DPP4: variants seen among roughly 807,000 people sequenced by gnomAD.
The protein encoded by DPP4 is dipeptidyl peptidase 4.
In DPP4, 93 loss-of-function variants were observed where a neutral mutation model predicts 122.4. That is an observed-to-expected ratio of 0.76 (90% CI 0.64 to 0.90). The LOEUF (loss-of-function observed/expected upper bound fraction) is 0.90. Among genes scored for constraint, DPP4 ranks in the 40% least tolerant of loss-of-function variants. The pLI, the probability that DPP4 is intolerant of heterozygous loss-of-function variation, is 0.00. For synonymous variants in DPP4, 321 were observed against 302.9 expected, an observed-to-expected ratio of 1.06 and a Z score of -0.62; for missense variants, 914 against 907.3, an observed-to-expected ratio of 1.01 and a Z score of -0.09.
At position 162,035,250 on chromosome 2, in the gene DPP4, C is replaced by T. The variant is rs1323417251; in HGVS notation, c.688G>A (p.Asp230Asn). The change falls in exon 9 of 26, where the codon GAC becomes AAC. Residue 230 changes from aspartate (D) to asparagine (N), a missense_variant. Coordinates refer to ENST00000360534, the MANE Select transcript of DPP4 (RefSeq NM_001935.4). ...GTFLAYAQFN[D>N]TEVPLIEYSF... is the part of the protein sequence containing the mutation. Reference sequence around the variant, plus strand: ...TATTCAATAAGTGGGACTTCTGTGTCGTTAAATTGGGCATATGCTAAAAAA... The same window carrying T: ...TATTCAATAAGTGGGACTTCTGTGTTGTTAAATTGGGCATATGCTAAAAAA... 6.2e-6 allele frequency: 10 copies of T among 1,613,854 alleles called. No individual in the cohort carries two copies. Among genetic ancestry groups the T allele is most frequent in the Admixed American group, 1.7e-5 (1 of 59,986 alleles).
chr2:162,041,931 C>A (rs1576059344), intron 5 of DPP4, among the ~76,000 whole-genome samples: 1 of 152,066 alleles, frequency 6.6e-6, no homozygotes, highest in Non-Finnish European at 1.5e-5. Context: ...TAGGATGTGC[C>A]AAGAGATATA....
At chr2:162,055,194 C>G (rs866078700) in intron 2 of DPP4, among the ~76,000 whole-genome samples, 1 of 152,166 alleles carries the variant, frequency 6.6e-6, no homozygotes, top group Admixed American at 6.5e-5. Context: ...TTCCTAAGTG[C>G]CAGTGAATAT....
Position 162,039,154 on chromosome 2 carries a change from C to T in DPP4, c.397G>A (p.Asp133Asn). The change falls in exon 6 of 26, where the codon GAC becomes AAC. Residue 133 changes from aspartate to asparagine, a missense_variant. By Grantham distance (23) the Asp-to-Asn change is conservative. Coordinates refer to ENST00000360534, the MANE Select transcript of DPP4 (RefSeq NM_001935.4). The part of the protein sequence containing the change: ...QWRHSYTASY[D>N]IYDLNKRQLI... ...GACCTTTTATTTAAATCATAAATGTCATATGAAGCTGTGTAGGAATGCCTC... is the reference window on the plus strand; with the variant it reads ...GACCTTTTATTTAAATCATAAATGTTATATGAAGCTGTGTAGGAATGCCTC... The T allele has an allele frequency of 6.2e-7, 1 of 1,612,842 alleles. No individual in the cohort carries two copies. Among genetic ancestry groups the T allele is most frequent in the Non-Finnish European group, 8.5e-7 (1 of 1,179,344 alleles).
chr2:161,999,246 C>T (rs1701084270), intron 23 of DPP4, among the ~76,000 whole-genome samples: 1 of 152,014 alleles, frequency 6.6e-6, no homozygotes, highest in Admixed American at 6.5e-5. Context: ...AGATAACATA[C>T]AAAGCCAGAA....
At chr2:162,010,294 T>TA (rs1682642626) in intron 20 of DPP4, among the ~76,000 whole-genome samples, 1 of 152,212 alleles carries the variant, frequency 6.6e-6, no homozygotes, top group Admixed American at 6.5e-5. Context: ...CAGAAGCCTC[T>TA]AAGGCATTTC....
Position 162,020,655 on chromosome 2 carries a change from C to A in DPP4, c.1102G>T (p.Gly368Cys). The A allele has an allele frequency of 6.2e-7, 1 of 1,612,310 alleles. No individual in the cohort carries two copies. The highest frequency in any genetic ancestry group is 1.1e-5 in the South Asian group (1 of 90,404). The change falls in exon 13 of 26, where the codon GGT becomes TGT. Residue 368 changes from glycine to cysteine, a missense_variant. By Grantham distance (159) the Gly-to-Cys change is radical (BLOSUM62 -3). Transcript: ENST00000360534. ...RPSEPHFTLD[G>C]NSFYKIISNE... Reference sequence around the variant, plus strand: ...CTGATGATCTTGTAGAAGCTATTACCATCAAGGGTAAAATGAGGTTCTGAA... The same window carrying A: ...CTGATGATCTTGTAGAAGCTATTACAATCAAGGGTAAAATGAGGTTCTGAA...
intron 5 of DPP4, among the ~76,000 whole-genome samples, chr2:162,040,555 G>A (rs531241318): frequency 2.2e-4 from 34 of 151,910 alleles, no homozygotes; most frequent in African/African-American, 8.0e-4. Flanking sequence ...GGAGACTGGG[G>A]GAAGGAAGGG....
rs983596426 is a variant in DPP4, at chr2:162,074,067, G to A, written c.-86C>T. The A allele has an allele frequency of 1.3e-6, 2 of 1,536,034 alleles. No individual in the cohort carries two copies. Among genetic ancestry groups the A allele is most frequent in the African/African-American group, 1.4e-5 (1 of 72,814 alleles). On this transcript the variant is annotated 5_prime_UTR_variant, in exon 1 of 26. Transcript: ENST00000360534. ...GCGGCGGAGACGCGCGTCCTGCACC[G>A]CTGCTCCGGGCGGTGGAGTCACTCG...
intron 2 of DPP4, 48 bp downstream of exon 2, chr2:162,073,351 T>G (rs1271710839): frequency 6.3e-7 from 1 of 1,587,650 alleles, no homozygotes; most frequent in Non-Finnish European, 8.6e-7. Flanking sequence ...AGACGGAGCC[T>G]GACCTGAGCT....
Position 162,024,813 on chromosome 2 carries a change from G to A in DPP4, c.1014C>T (p.Asn338=). The change falls in exon 11 of 26, where the codon AAC becomes AAT. Residue 338 remains asparagine (N), a synonymous_variant. Transcript: ENST00000360534. ...CDYDESSGRW[N]CLVARQHIEM... is the part of the protein sequence containing the mutation. ...CCCCATTCAGTCTCACCACTAAGCA[G>A]TTCCATCTTCCACTGGATTCATCAT... 6.2e-7 allele frequency: 1 copy of A among 1,613,578 alleles called. No individual in the cohort carries two copies. Among genetic ancestry groups the A allele is most frequent in the African/African-American group, 1.3e-5 (1 of 75,042 alleles).
chr2:162,033,419 T>C (rs1047515931), intron 10 of DPP4, 122 bp downstream of exon 10: 2 of 633,200 alleles, frequency 3.2e-6, no homozygotes, highest in African/African-American at 3.8e-5. Context: ...AAAGAATGAA[T>C]GACTGTCAGC....
chr2:162,008,558 A>G lies in DPP4; in HGVS notation c.1987+4T>C, dbSNP rs2268891. 2.7e-3 allele frequency: 4,307 copies of G among 1,612,816 alleles called. 94 individuals carry two copies. In the East Asian group the frequency reaches 0.053, roughly 20 times the overall value. On this transcript the variant is annotated splice_donor_region_variant and intron_variant, in intron 22 of 25. Coordinates refer to ENST00000360534, the MANE Select transcript of DPP4 (RefSeq NM_001935.4). ...TCTCTTTGTACCTGGCAGCAATTAC[A>G]TACCATAGTACTCCCACCGGGATAC...
intron 2 of DPP4, among the ~76,000 whole-genome samples, chr2:162,059,903 G>C (rs10490422): frequency 6.6e-6 from 1 of 152,154 alleles, no homozygotes; most frequent in Non-Finnish European, 1.5e-5. Context: ...CATTCTTATG[G>C]TGTTCTTCTA....
chr2:162,055,233 T>C (rs1257270562), intron 2 of DPP4, among the ~76,000 whole-genome samples: 1 of 152,236 alleles, frequency 6.6e-6, no homozygotes, highest in African/African-American at 2.4e-5. Flanking sequence ...AATACATGCC[T>C]AACACCATCC....
chr2:162,025,401 C>A lies in DPP4; in HGVS notation c.888-462G>T, dbSNP rs1683290016. ...CTATTAGGGTGAAACTACAGCTAAC[C>A]CTTTTCTCAACTTCATTTTCAAAGG... On this transcript the variant is annotated intron_variant, in intron 10 of 25. Transcript: ENST00000360534. Among the ~76,000 whole-genome samples, 4 of 152,242 alleles carry A rather than the reference C, an allele frequency of 2.6e-5. No individual in the cohort carries two copies. In the South Asian group the frequency reaches 8.3e-4, roughly 32 times the overall value.
At position 162,022,796 on chromosome 2, in the gene DPP4, G is replaced by T; in HGVS notation, c.1027C>A (p.Arg343=). ...SSGRWNCLVA[R]QHIEMSTTGW... is the part of the protein sequence containing the mutation. The stretch of plus-strand genomic sequence containing the variant: ...GTAGTACTCATTTCAATGTGTTGCC[G>T]TGCCTAGGAAGGGAAAGAGACAATG... Residue 343 remains arginine, a synonymous_variant, in exon 12 of 26, where the codon CGG becomes AGG. Transcript: ENST00000360534. The T allele has an allele frequency of 6.2e-7, 1 of 1,613,934 alleles. No homozygotes were observed. Among genetic ancestry groups the T allele is most frequent in the South Asian group, 1.1e-5 (1 of 91,068 alleles).
At chr2:162,042,578 A>G (rs1470451412) in intron 5 of DPP4, among the ~76,000 whole-genome samples, 1 of 152,112 alleles carries the variant, frequency 6.6e-6, no homozygotes, top group Non-Finnish European at 1.5e-5. Context: ...CTTAGTCAAA[A>G]CGTATATGCT....
At chr2:162,046,825 G>A in intron 4 of DPP4, 90 bp downstream of exon 4, 1 of 852,424 alleles carries the variant, frequency 1.2e-6, no homozygotes, top group African/African-American at 1.7e-5. Flanking sequence ...GAGTCCAACA[G>A]GTTGAGAAAT....
At chr2:162,035,089 T>A in intron 9 of DPP4, 75 bp downstream of exon 9, 1 of 1,415,214 alleles carries the variant, frequency 7.1e-7, no homozygotes, top group Non-Finnish European at 9.5e-7. Flanking sequence ...ATATTTTCAT[T>A]AGCAAGAAGG....
Sources: gnomAD v4.1 joint callset for allele counts (sites outside exome capture counted in the v4.1 genomes callset) on GRCh38, gnomAD v4.1.1 for gene constraint, MANE v1.5 for transcripts, NCBI Gene and HGNC (gene_info 2026-07-23, HGNC 2026-07-21) for gene names.